CRYM: variants seen among roughly 807,000 people sequenced by gnomAD.
CRYM encodes crystallin mu, also known as ketimine reductase mu-crystallin.
CRYM carries 18 observed loss-of-function variants against 32.9 expected under a neutral mutation model. The ratio of observed to expected loss-of-function variants is 0.55; its 90% CI spans 0.38 to 0.81. The LOEUF (loss-of-function observed/expected upper bound fraction) is 0.81, where lower values mean the gene tolerates loss of function less well. Among genes scored for constraint, CRYM ranks in the 30% least tolerant of loss-of-function variants. The pLI is 0.00. For synonymous variants in CRYM, 153 were observed against 152.4 expected, an observed-to-expected ratio of 1.00 and a Z score of -0.03; for missense variants, 337 against 393.5, an observed-to-expected ratio of 0.86 and a Z score of 1.21.
At chr16:21,302,303 A>G (rs1444230757) in intron 1 of CRYM, among the ~76,000 whole-genome samples, 1 of 152,220 alleles carries the variant, frequency 6.6e-6, no homozygotes, top group Non-Finnish European at 1.5e-5. Context: ...AGAGGAAAGG[A>G]TGCTATTGTA....
chr16:21,284,442 C>T (rs1260678437), intron 1 of CRYM, among the ~76,000 whole-genome samples: 1 of 152,122 alleles, frequency 6.6e-6, no homozygotes, highest in African/African-American at 2.4e-5. Flanking sequence ...TCATCACCCC[C>T]CAAATAAACC....
intron 5 of CRYM, among the ~76,000 whole-genome samples, chr16:21,262,608 G>C (rs995643233): frequency 6.6e-6 from 1 of 152,032 alleles, no homozygotes; most frequent in East Asian, 1.9e-4. Flanking sequence ...AACAGAGTGA[G>C]GCTCCATCTC....
intron 1 of CRYM, among the ~76,000 whole-genome samples, chr16:21,298,511 T>C (rs1960833581): frequency 6.6e-6 from 1 of 152,138 alleles, no homozygotes; most frequent in Non-Finnish European, 1.5e-5. Context: ...AAACATAATA[T>C]TGAGTGAAGC....
intron 3 of CRYM, among the ~76,000 whole-genome samples, chr16:21,273,004 C>T (rs537679480): frequency 2.6e-5 from 4 of 151,994 alleles, no homozygotes; most frequent in Non-Finnish European, 4.4e-5. Flanking sequence ...TTGCCTCCCC[C>T]ACTGGACCCT....
At chr16:21,261,562 G>C (rs998694176) in intron 6 of CRYM, 3 of 586,816 alleles carry the variant, frequency 5.1e-6, no homozygotes, top group African/African-American at 1.9e-5. Flanking sequence ...TAAACACAGA[G>C]ATTCGAGTTG....
At chr16:21,276,070 G>T (rs1450512498) in intron 2 of CRYM, among the ~76,000 whole-genome samples, 1 of 152,156 alleles carries the variant, frequency 6.6e-6, no homozygotes, top group East Asian at 1.9e-4. Context: ...ACCACCCTTA[G>T]ATTAACCCAG....
intron 6 of CRYM, 88 bp downstream of exon 6, chr16:21,261,949 A>T (rs1372690196): frequency 6.3e-7 from 1 of 1,580,056 alleles, no homozygotes; most frequent in African/African-American, 1.3e-5. Flanking sequence ...TCTGGAGCAG[A>T]CCAAACTGGA....
rs1199220493 is a variant in CRYM at position 21,267,639 on chromosome 16, T to C, written c.588A>G (p.Ala196=). The C allele has an allele frequency of 1.2e-6, 2 of 1,614,180 alleles. No individual in the cohort carries two copies. The highest frequency in any genetic ancestry group is 3.3e-5 in the Admixed American group (2 of 60,008). Residue 196 remains alanine (A), a synonymous_variant, in exon 5 of 8, where the codon GCA becomes GCG. Coordinates refer to ENST00000572914, the MANE Select transcript of CRYM (RefSeq NM_001376256.1). ...TGACTGTGATGATCACATCTGCACCTGCCACAGCCTCCTGGACCGAAGAAC... is the reference window on the plus strand; with the variant it reads ...TGACTGTGATGATCACATCTGCACCCGCCACAGCCTCCTGGACCGAAGAAC... The part of the protein sequence containing the change: ...RVCSSVQEAV[A]GADVIITVTL...
chr16:21,293,435 C>T (rs187767210), intron 1 of CRYM, among the ~76,000 whole-genome samples: 4 of 152,024 alleles, frequency 2.6e-5, no homozygotes, highest in South Asian at 4.2e-4. Context: ...GTGGCAACAG[C>T]GGTAGATCCA....
intron 1 of CRYM, among the ~76,000 whole-genome samples, chr16:21,292,361 A>G (rs1960679580): frequency 6.6e-6 from 1 of 152,168 alleles, no homozygotes. Context: ...GAAAATTTTA[A>G]AAAAGATGTG....
At chr16:21,293,067 A>G (rs1375443298) in intron 1 of CRYM, among the ~76,000 whole-genome samples, 2 of 152,204 alleles carry the variant, frequency 1.3e-5, no homozygotes, top group Admixed American at 6.5e-5. Context: ...AGAATAAGAT[A>G]CAGAGTCCAA....
At chr16:21,281,521 G>A (rs923404249), upstream of CRYM, among the ~76,000 whole-genome samples, 3 of 152,096 alleles carry the variant, frequency 2.0e-5, no homozygotes, top group Admixed American at 6.6e-5. Flanking sequence ...ATGAGCCACC[G>A]TGCCCGGCTG....
chr16:21,289,480 T>A lies in CRYM; in HGVS notation c.-192-10520A>T, dbSNP rs185416321. On this transcript the variant is annotated intron_variant, in intron 1 of 9. Coordinates refer to the CRYM transcript ENST00000219599. ...GCCTTTAAATTTAAATTGAATCTGT[T>A]GTAGGTAGCATATGGTTGGATCATG... Among the ~76,000 whole-genome samples, 98 of 152,312 alleles carry A rather than the reference T, an allele frequency of 6.4e-4. 1 individual carries two copies. Among genetic ancestry groups the A allele is most frequent in the Admixed American group, 1.2e-3 (18 of 15,298 alleles).
At chr16:21,301,078 G>C (rs1960911105) in intron 1 of CRYM, 1 of 152,514 alleles carries the variant, frequency 6.6e-6, no homozygotes, top group African/African-American at 2.4e-5. Context: ...TCTGCTCCAG[G>C]ACGGAATCTT....
At chr16:21,270,920 C>A (rs375850390) in intron 3 of CRYM, among the ~76,000 whole-genome samples, 6 of 152,282 alleles carry the variant, frequency 3.9e-5, no homozygotes, top group African/African-American at 1.2e-4. Context: ...TCCAATGAAG[C>A]CTTTCTGACC....
At position 21,270,144 on chromosome 16, in the gene CRYM, A is replaced by G. The variant is rs226055; in HGVS notation, c.388-253T>C. Among the ~76,000 whole-genome samples, 51,216 of 152,014 alleles carry G rather than the reference A, an allele frequency of 0.34. 10,035 individuals carry two copies. The highest frequency in any genetic ancestry group is 0.54 in the African/African-American group (22,314 of 41,430). The stretch of plus-strand genomic sequence containing the variant: ...ATGATCTCATTTAGTCTAGACATTG[A>G]CCCTACGAGTTGGGGACTCCTACTA... On this transcript the variant is annotated intron_variant, in intron 3 of 7. Coordinates refer to ENST00000572914, the MANE Select transcript of CRYM (RefSeq NM_001376256.1).
chr16:21,274,812 A>C (rs889467087), intron 3 of CRYM, among the ~76,000 whole-genome samples: 2 of 152,010 alleles, frequency 1.3e-5, no homozygotes, highest in Non-Finnish European at 2.9e-5. Flanking sequence ...CACCATGTTG[A>C]CCAGGCTGGT....
chr16:21,293,220 A>G (rs1038113272), intron 1 of CRYM, among the ~76,000 whole-genome samples: 1 of 152,228 alleles, frequency 6.6e-6, no homozygotes, highest in Non-Finnish European at 1.5e-5. Context: ...CAAACAGACA[A>G]ATAAAATCCC....
intron 5 of CRYM, among the ~76,000 whole-genome samples, chr16:21,264,491 A>G (rs226051): frequency 0.019 from 2,861 of 152,208 alleles, 69 homozygotes; most frequent in African/African-American, 0.065. Context: ...CAGGCTTGAC[A>G]GGGTGTGGGG....
Sources: gnomAD v4.1 joint callset for allele counts (sites outside exome capture counted in the v4.1 genomes callset) on GRCh38, gnomAD v4.1.1 for gene constraint, MANE v1.5 for transcripts, NCBI Gene and HGNC (gene_info 2026-07-23, HGNC 2026-07-21) for gene names.